YAP1: variants seen among roughly 807,000 people sequenced by gnomAD.
YAP1 encodes the protein Yes1 associated transcriptional regulator, also known as transcriptional coactivator YAP1.
A neutral mutation model predicts 56.9 loss-of-function variants in YAP1; 5 were observed. That is an observed-to-expected ratio of 0.09 (90% CI 0.05 to 0.18). YAP1 has a LOEUF of 0.18. Ranked by LOEUF, YAP1 falls within the 10% of genes least tolerant of loss-of-function variation. The probability of loss-of-function intolerance (pLI) is 1.00; values close to 1 mark genes in which losing one functional copy is unlikely to be tolerated. For synonymous variants in YAP1, 265 were observed against 248.1 expected, an observed-to-expected ratio of 1.07 and a Z score of -0.64; for missense variants, 539 against 651.8, an observed-to-expected ratio of 0.83 and a Z score of 1.88.
At chr11:102,111,221 G>GGGGGGCGCTCGGGAGCC in intron 1 of YAP1, 52 bp downstream of exon 1, 1 of 1,601,554 alleles carries the variant, frequency 6.2e-7, no homozygotes, top group Non-Finnish European at 8.5e-7. Flanking sequence ...CCTCAGACCG[G>GGGGGGCGCTCGGGAGCC]GGGGGCGCTC....
Position 102,186,097 on chromosome 11 carries a change from C to T in YAP1, c.768C>T (p.Thr256=), listed in dbSNP as rs767659408. Residue 256 remains threonine (T), a synonymous_variant, in exon 4 of 9, where the codon ACC becomes ACT. Transcript: ENST00000282441. Reference sequence around the variant, plus strand: ...ATATAAACCATAAGAACAAGACCACCTCTTGGCTAGACCCAAGGCTTGACC... The same window carrying T: ...ATATAAACCATAAGAACAAGACCACTTCTTGGCTAGACCCAAGGCTTGACC... The part of the protein sequence containing the change: ...IYYINHKNKT[T]SWLDPRLDPR... 1.2e-6 allele frequency: 2 copies of T among 1,613,224 alleles called. No individual in the cohort carries two copies. Among genetic ancestry groups the T allele is most frequent in the Non-Finnish European group, 1.7e-6 (2 of 1,179,530 alleles).
At chr11:102,124,446 C>T (rs1193413613) in intron 2 of YAP1, among the ~76,000 whole-genome samples, 7 of 152,100 alleles carry the variant, frequency 4.6e-5, no homozygotes, top group Admixed American at 2.6e-4. Context: ...ATGGATGATG[C>T]CCCTCAAGAT....
intron 4 of YAP1, among the ~76,000 whole-genome samples, chr11:102,202,886 A>G (rs116678079): frequency 6.6e-6 from 1 of 152,192 alleles, no homozygotes; most frequent in East Asian, 1.9e-4. Context: ...ATTCTTGCCA[A>G]AAATTGTGAT....
chr11:102,124,261 T>C (rs1943891350), intron 2 of YAP1, among the ~76,000 whole-genome samples: 1 of 152,220 alleles, frequency 6.6e-6, no homozygotes, highest in African/African-American at 2.4e-5. Flanking sequence ...CACTCCATTT[T>C]CTTCTAGCTT....
At chr11:102,216,178 G>A (rs1391130107) in intron 6 of YAP1, among the ~76,000 whole-genome samples, 1 of 152,160 alleles carries the variant, frequency 6.6e-6, no homozygotes, top group African/African-American at 2.4e-5. Context: ...TTCTGGGGAG[G>A]AACAGTTAAA....
At chr11:102,171,041 T>TG (rs1946873320) in intron 3 of YAP1, among the ~76,000 whole-genome samples, 2 of 152,136 alleles carry the variant, frequency 1.3e-5, no homozygotes, top group Non-Finnish European at 2.9e-5. Context: ...AAATGACTTA[T>TG]TACATATTGG....
At chr11:102,175,391 C>A (rs1221238464) in intron 3 of YAP1, among the ~76,000 whole-genome samples, 3 of 151,908 alleles carry the variant, frequency 2.0e-5, no homozygotes, top group African/African-American at 7.3e-5. Context: ...CAGAGCGAGA[C>A]CTCGTCTCAA....
chr11:102,126,255 A>T (rs867568207), intron 2 of YAP1, among the ~76,000 whole-genome samples: 11 of 152,136 alleles, frequency 7.2e-5, no homozygotes, highest in Non-Finnish European at 1.0e-4. Context: ...ACTATTAGCA[A>T]TTTTTTATGA....
At chr11:102,129,951 G>GGC (rs765016066) in intron 2 of YAP1, among the ~76,000 whole-genome samples, 13 of 151,942 alleles carry the variant, frequency 8.6e-5, no homozygotes, top group Admixed American at 7.2e-4. Flanking sequence ...TGGGATTACA[G>GGC]GCATGCACCA....
At chr11:102,180,130 C>T (rs1453905604) in intron 3 of YAP1, among the ~76,000 whole-genome samples, 1 of 151,374 alleles carries the variant, frequency 6.6e-6, no homozygotes, top group African/African-American at 2.4e-5. Context: ...CTGCCTCAGC[C>T]TCCCAAGTAG....
intron 3 of YAP1, among the ~76,000 whole-genome samples, chr11:102,176,444 G>A (rs1291637070): frequency 1.3e-5 from 2 of 151,990 alleles, no homozygotes; most frequent in Non-Finnish European, 2.9e-5. Context: ...CAAAGATATG[G>A]CATAAGAATA....
At chr11:102,156,854 A>T (rs1348653514) in intron 2 of YAP1, among the ~76,000 whole-genome samples, 1 of 152,204 alleles carries the variant, frequency 6.6e-6, no homozygotes, top group South Asian at 2.1e-4. Flanking sequence ...TTCCTTAGGG[A>T]ATAATCATTT....
rs188250654 is a variant in YAP1, at chr11:102,192,295, C to T, written c.802+6164C>T. On this transcript the variant is annotated intron_variant, in intron 4 of 8. Transcript: ENST00000282441. ...TCTCTGTTCTTTATCAATTTACTCACTTCTCTGGATGTCCTTCATTTTGCT... is the reference window on the plus strand; with the variant it reads ...TCTCTGTTCTTTATCAATTTACTCATTTCTCTGGATGTCCTTCATTTTGCT... 1.7e-3 allele frequency among the ~76,000 whole-genome samples: 261 copies of T among 152,308 alleles called. 1 individual carries two copies. The highest frequency in any genetic ancestry group is 2.5e-3 in the Non-Finnish European group (170 of 68,028).
At chr11:102,164,996 T>C (rs1946516415) in intron 3 of YAP1, among the ~76,000 whole-genome samples, 1 of 152,136 alleles carries the variant, frequency 6.6e-6, no homozygotes, top group Non-Finnish European at 1.5e-5. Flanking sequence ...GTGTTGGGAT[T>C]ACAGGCATGA....
intron 3 of YAP1, among the ~76,000 whole-genome samples, chr11:102,163,925 C>G (rs576774056): frequency 6.6e-6 from 1 of 152,178 alleles, no homozygotes; most frequent in South Asian, 2.1e-4. Context: ...TTGGGCTTTT[C>G]TTGACATAGA....
intron 2 of YAP1, among the ~76,000 whole-genome samples, chr11:102,159,179 CTGTT>C (rs10540958): frequency 2.8e-4 from 43 of 152,232 alleles, no homozygotes; most frequent in African/African-American, 8.9e-4. Flanking sequence ...CTGTCTCTCT[CTGTT>C]TGTTTGTTTG....
At chr11:102,146,985 GTCTT>G (rs1220141344) in intron 2 of YAP1, among the ~76,000 whole-genome samples, 2 of 152,196 alleles carry the variant, frequency 1.3e-5, no homozygotes, top group African/African-American at 4.8e-5. Flanking sequence ...CATTTAGAGA[GTCTT>G]TATTTTGTGC....
intron 2 of YAP1, among the ~76,000 whole-genome samples, chr11:102,138,548 C>T (rs1241153549): frequency 6.6e-6 from 1 of 152,224 alleles, no homozygotes; most frequent in Non-Finnish European, 1.5e-5. Flanking sequence ...ACTTCTACCA[C>T]ATTCTGTTGT....
chr11:102,201,660 A>G lies in YAP1; in HGVS notation c.803-4233A>G, dbSNP rs114210866. ...AGATGATTGCGTATGTATAGAGGAC[A>G]ATACATATTAATGTTGTTAGAACCC... On this transcript the variant is annotated intron_variant, in intron 4 of 8. Coordinates refer to ENST00000282441, the MANE Select transcript of YAP1 (RefSeq NM_001130145.3). Among the ~76,000 whole-genome samples the G allele has an allele frequency of 5.7e-3, 861 of 152,270 alleles. 7 individuals are homozygous for G. Among genetic ancestry groups the G allele is most frequent in the African/African-American group, 0.02 (825 of 41,550 alleles).
Sources: allele counts gnomAD v4.1 joint callset (sites outside exome capture counted in the v4.1 genomes callset), GRCh38; gene constraint gnomAD v4.1.1; transcripts MANE v1.5; gene names NCBI Gene and HGNC (gene_info 2026-07-23, HGNC 2026-07-21).